Variants in GLI3 observed in about 807,000 individuals in gnomAD.
GLI3 encodes transcription activator GLI3.
Under a neutral mutation model 100.8 loss-of-function variants are expected in GLI3, and 20 were observed. The ratio of observed to expected loss-of-function variants is 0.20; its 90% confidence interval spans 0.14 to 0.29. GLI3 has a LOEUF of 0.29. Ranked by LOEUF, GLI3 falls within the 10% of genes least tolerant of loss-of-function variation. The pLI is 1.00. For synonymous variants in GLI3, 938 were observed against 860.5 expected, an observed-to-expected ratio of 1.09 and a Z score of -1.58; for missense variants, 2,040 against 2,128.5, an observed-to-expected ratio of 0.96 and a Z score of 0.82.
intron 2 of GLI3, among the ~76,000 whole-genome samples, chr7:42,177,142 T>C (rs1787496510): frequency 6.6e-6 from 1 of 152,134 alleles, no homozygotes; most frequent in African/African-American, 2.4e-5. Flanking sequence ...CATGTCCTAG[T>C]TGCAGCCCAT....
intron 2 of GLI3, among the ~76,000 whole-genome samples, chr7:42,182,636 A>ATG (rs202080985): frequency 0.042 from 3,428 of 82,416 alleles, 230 homozygotes; most frequent in Middle Eastern, 0.062. Flanking sequence ...GCATATGTAT[A>ATG]TGTGTGTGTA....
chr7:42,237,346 G>A (rs1254316237), upstream of GLI3, among the ~76,000 whole-genome samples: 5 of 152,146 alleles, frequency 3.3e-5, no homozygotes, highest in South Asian at 1.0e-3. Flanking sequence ...TTCAACCGCG[G>A]GAGGGAGGGG....
chr7:42,035,994 G>T (rs1175776708), intron 7 of GLI3, among the ~76,000 whole-genome samples: 3 of 152,170 alleles, frequency 2.0e-5, no homozygotes, highest in African/African-American at 7.2e-5. Context: ...GATTTTAAAA[G>T]ACTTGTCAGG....
Position 41,965,841 on chromosome 7 carries a change from G to A in GLI3, c.3232C>T (p.Leu1078=), listed in dbSNP as rs781019523. ...SITENVTLES[L]TMDADANLND... Reference sequence around the variant, plus strand: ...AGGTTGGCATCAGCGTCCATGGTCAGGGACTCCAGGGTGACGTTCTCGGTG... The same window carrying A: ...AGGTTGGCATCAGCGTCCATGGTCAAGGACTCCAGGGTGACGTTCTCGGTG... Residue 1078 remains leucine, a synonymous_variant, in exon 15 of 15, where the codon CTG becomes TTG. Transcript: ENST00000395925. 6 of 1,613,762 alleles carry A rather than the reference G, an allele frequency of 3.7e-6. No individual in the cohort carries two copies. The Admixed American group carries it at 6.7e-5, about 18-fold the overall frequency.
chr7:42,037,793 A>G (rs1784045766), intron 7 of GLI3, among the ~76,000 whole-genome samples: 2 of 152,204 alleles, frequency 1.3e-5, no homozygotes, highest in African/African-American at 4.8e-5. Flanking sequence ...GAAATGGGCA[A>G]TGATGATTTC....
At chr7:42,188,085 G>C (rs1787755643) in intron 2 of GLI3, among the ~76,000 whole-genome samples, 1 of 150,448 alleles carries the variant, frequency 6.6e-6, no homozygotes, top group Non-Finnish European at 1.5e-5. Context: ...GCAAAGACTG[G>C]AGTGATGCAT....
chr7:42,022,848 G>C (rs927658029), intron 10 of GLI3, among the ~76,000 whole-genome samples: 1 of 152,176 alleles, frequency 6.6e-6, no homozygotes, highest in African/African-American at 2.4e-5. Context: ...TTCTGAACCT[G>C]GTTTGGGAGA....
intron 3 of GLI3, among the ~76,000 whole-genome samples, chr7:42,128,013 T>A: frequency 1.2e-5 from 1 of 83,464 alleles, no homozygotes; most frequent in Non-Finnish European, 2.5e-5. Context: ...AGCAAGACCC[T>A]GACTCAAAAA....
At chr7:42,194,304 G>T (rs1042416661) in intron 2 of GLI3, among the ~76,000 whole-genome samples, 4 of 152,082 alleles carry the variant, frequency 2.6e-5, no homozygotes, top group African/African-American at 9.7e-5. Context: ...GAAAGGACAG[G>T]GCCAAACTTT....
chr7:42,002,467 T>C (rs889365870), intron 10 of GLI3, among the ~76,000 whole-genome samples: 2 of 152,038 alleles, frequency 1.3e-5, no homozygotes, highest in African/African-American at 4.8e-5. Context: ...TCACCTGAGA[T>C]TTAATATACC....
chr7:42,002,074 A>G (rs528465929), intron 10 of GLI3, among the ~76,000 whole-genome samples: 92 of 151,526 alleles, frequency 6.1e-4, no homozygotes, highest in African/African-American at 2.2e-3. Flanking sequence ...ACACACACAC[A>G]CACGCACACA....
At chr7:42,019,865 C>G (rs1788886823) in intron 10 of GLI3, among the ~76,000 whole-genome samples, 1 of 151,778 alleles carries the variant, frequency 6.6e-6, no homozygotes, top group Non-Finnish European at 1.5e-5. Flanking sequence ...TAACCGACAC[C>G]AAGAAAGGGA....
At chr7:42,114,845 G>A (rs1205272725) in intron 3 of GLI3, among the ~76,000 whole-genome samples, 1 of 151,792 alleles carries the variant, frequency 6.6e-6, no homozygotes, top group Non-Finnish European at 1.5e-5. Context: ...GGGACTACAG[G>A]CATGCACTAC....
intron 2 of GLI3, among the ~76,000 whole-genome samples, chr7:42,181,385 G>A (rs528141233): frequency 1.3e-5 from 2 of 152,190 alleles, no homozygotes; most frequent in African/African-American, 4.8e-5. Context: ...TGGATATCTT[G>A]AGCCCAGGAG....
At chr7:42,122,899 G>C (rs908637366) in intron 3 of GLI3, among the ~76,000 whole-genome samples, 3 of 152,194 alleles carry the variant, frequency 2.0e-5, no homozygotes, top group African/African-American at 7.2e-5. Flanking sequence ...ACTAGAACAC[G>C]CAAGAGTGTC....
intron 3 of GLI3, among the ~76,000 whole-genome samples, chr7:42,109,408 C>G (rs73090691): frequency 6.6e-6 from 1 of 152,174 alleles, no homozygotes; most frequent in Non-Finnish European, 1.5e-5. Context: ...ACCCCATGGG[C>G]TATAATAAGA....
Position 42,223,286 on chromosome 7 carries a change from C to A in GLI3, c.-33G>T. ...TCTCATTACTTCAGCTCTCTTCGAC[C>A]AAAAATGCCCTAAAGAAAACAACAG... On this transcript the variant is annotated 5_prime_UTR_variant, in exon 2 of 15. Coordinates refer to ENST00000395925, the MANE Select transcript of GLI3 (RefSeq NM_000168.6). The A allele has an allele frequency of 6.3e-7, 1 of 1,580,376 alleles. No homozygotes were observed. The highest frequency in any genetic ancestry group is 1.1e-5 in the South Asian group (1 of 90,062).
Position 42,030,429 on chromosome 7 carries a change from C to T in GLI3, c.1029-4017G>A, listed in dbSNP as rs12536693. 4.0e-3 allele frequency among the ~76,000 whole-genome samples: 612 copies of T among 152,296 alleles called. 1 individual carries two copies. The highest frequency in any genetic ancestry group is 8.2e-3 in the Admixed American group (126 of 15,296). ...CTGCCTACCACACTCAAAAGAGTCA[C>T]CTCAAAGAAAACTATGTTTTCCTCT... On this transcript the variant is annotated intron_variant, in intron 7 of 14. Transcript: ENST00000395925.
intron 1 of GLI3, among the ~76,000 whole-genome samples, chr7:42,228,962 T>A (rs1788639407): frequency 1.3e-5 from 2 of 152,098 alleles, no homozygotes; most frequent in Admixed American, 1.3e-4. Flanking sequence ...TGAGAAAAAA[T>A]TAGCTTTTCT....
Sources: allele counts gnomAD v4.1 joint callset (sites outside exome capture counted in the v4.1 genomes callset), GRCh38; gene constraint gnomAD v4.1.1; transcripts MANE v1.5; gene names NCBI Gene and HGNC (gene_info 2026-07-23, HGNC 2026-07-21).